Variants in CACNB4 observed in about 807,000 individuals in gnomAD.
The protein encoded by CACNB4 is calcium voltage-gated channel auxiliary subunit beta 4.
Under a neutral mutation model 71.2 loss-of-function variants are expected in CACNB4, and 32 were observed. That is an observed-to-expected ratio of 0.45 (90% CI 0.34 to 0.60). The LOEUF (loss-of-function observed/expected upper bound fraction) is 0.60, where lower values mean the gene tolerates loss of function less well. CACNB4 is among the 20% of genes least tolerant of loss of function. The pLI, the probability that CACNB4 is intolerant of heterozygous loss-of-function variation, is 0.01. For synonymous variants in CACNB4, 231 were observed against 236.9 expected (o/e 0.97, Z 0.23); for missense variants, 464 against 647.9 (o/e 0.72, Z 3.08).
In CACNB4 at chr2:151,869,180, C is replaced by T; in HGVS notation, c.755G>A (p.Gly252Glu). The change falls in exon 9 of 14, where the codon GGG (glycine) becomes GAG (glutamate). Residue 252 changes from glycine (G) to glutamate (E), a missense_variant. Gly to Glu is a moderately conservative substitution (Grantham distance 98). Coordinates refer to ENST00000539935, the MANE Select transcript of CACNB4 (RefSeq NM_000726.5). ...LFDFLKHRFD[G>E]RISITRVTAD... ...CAAAAACATCTATATTTCTCACCTC[C>T]CATCAAACCTGTGCTTCAGGAAATC... The T allele has an allele frequency of 6.5e-7, 1 of 1,536,758 alleles. No homozygotes were observed. Among genetic ancestry groups the T allele is most frequent in the Non-Finnish European group, 8.9e-7 (1 of 1,125,500 alleles).
intron 2 of CACNB4, among the ~76,000 whole-genome samples, chr2:152,049,915 C>T (rs10174354): frequency 0.2 from 31,075 of 152,238 alleles, 3,333 homozygotes; most frequent in Middle Eastern, 0.36. Context: ...TGAGGAACTT[C>T]TACTGAGGGC....
chr2:151,974,361 C>A (rs2099873384), intron 2 of CACNB4, among the ~76,000 whole-genome samples: 1 of 152,092 alleles, frequency 6.6e-6, no homozygotes, highest in African/African-American at 2.4e-5. Flanking sequence ...TAAAAAAAAT[C>A]TTTACACCCA....
At chr2:152,059,318 C>T (rs560695155) in intron 2 of CACNB4, among the ~76,000 whole-genome samples, 12 of 152,368 alleles carry the variant, frequency 7.9e-5, no homozygotes, top group East Asian at 1.9e-4. Flanking sequence ...AGACCCTCAA[C>T]GGCAGCCGTG....
chr2:151,962,344 A>AT (rs2099869877), intron 2 of CACNB4, among the ~76,000 whole-genome samples: 1 of 152,114 alleles, frequency 6.6e-6, no homozygotes, highest in Non-Finnish European at 1.5e-5. Context: ...ATACCTTTTC[A>AT]TTTTATTAAA....
At chr2:151,932,952 G>A (rs960957074) in intron 2 of CACNB4, among the ~76,000 whole-genome samples, 1 of 151,870 alleles carries the variant, frequency 6.6e-6, no homozygotes, top group African/African-American at 2.4e-5. Flanking sequence ...GAATACCTGG[G>A]CTATGAGAAG....
chr2:151,868,193 T>C (rs2099843675), intron 9 of CACNB4: 1 of 152,216 alleles, frequency 6.6e-6, no homozygotes. Context: ...TGAAGTTTTT[T>C]TACATTTTAA....
chr2:152,015,635 A>C (rs1683301069), intron 2 of CACNB4, among the ~76,000 whole-genome samples: 2 of 152,226 alleles, frequency 1.3e-5, no homozygotes, highest in Non-Finnish European at 2.9e-5. Flanking sequence ...AAGATTTAAG[A>C]GTCAGTAGTT....
intron 8 of CACNB4, chr2:151,869,629 T>C (rs991241048): frequency 1.2e-5 from 2 of 173,790 alleles, no homozygotes; most frequent in African/African-American, 4.7e-5. Flanking sequence ...AGGCCAGCAC[T>C]GGACTCAGCC....
At chr2:151,881,055 C>G (rs758336187) in intron 3 of CACNB4, 133 bp from the exon 4 acceptor site, 6 of 836,220 alleles carry the variant, frequency 7.2e-6, no homozygotes, top group African/African-American at 1.7e-5. Context: ...TTTACATTCT[C>G]AAGCAATATC....
At chr2:151,978,762 CT>C (rs1245837694) in intron 2 of CACNB4, among the ~76,000 whole-genome samples, 2 of 152,266 alleles carry the variant, frequency 1.3e-5, no homozygotes, top group Admixed American at 6.5e-5. Context: ...AACCTTGCCC[CT>C]GATGCCGGCC....
intron 2 of CACNB4, among the ~76,000 whole-genome samples, chr2:151,918,509 C>T (rs934542515): frequency 6.6e-6 from 1 of 152,242 alleles, no homozygotes; most frequent in Non-Finnish European, 1.5e-5. Flanking sequence ...AACCACTGGG[C>T]TCCAGGGGCT....
At chr2:151,884,515 TC>T (rs1478994827) in intron 2 of CACNB4, among the ~76,000 whole-genome samples, 51 of 140,658 alleles carry the variant, frequency 3.6e-4, no homozygotes, top group African/African-American at 1.1e-3. Flanking sequence ...GCGCCTGTAG[TC>T]CCCAGCTACT....
At chr2:151,998,149 C>T (rs182520355) in intron 2 of CACNB4, among the ~76,000 whole-genome samples, 1 of 151,992 alleles carries the variant, frequency 6.6e-6, no homozygotes, top group East Asian at 1.9e-4. Flanking sequence ...ATGGTGAACC[C>T]CTGTCTCTAC....
intron 2 of CACNB4, among the ~76,000 whole-genome samples, chr2:152,062,973 C>G (rs555498525): frequency 6.6e-6 from 1 of 152,274 alleles, no homozygotes; most frequent in East Asian, 1.9e-4. Context: ...CAGACATCCA[C>G]GCAGAGGAGG....
chr2:151,959,379 G>A (rs1399897893), intron 2 of CACNB4, among the ~76,000 whole-genome samples: 1 of 152,156 alleles, frequency 6.6e-6, no homozygotes, highest in Non-Finnish European at 1.5e-5. Flanking sequence ...TTCTGGCTGA[G>A]TTTCCAGAAC....
At chr2:151,978,708 TG>T (rs568162917) in intron 2 of CACNB4, among the ~76,000 whole-genome samples, 82 of 152,338 alleles carry the variant, frequency 5.4e-4, no homozygotes, top group African/African-American at 1.9e-3. Flanking sequence ...GCCTGGGTTC[TG>T]GCCTAAAGCC....
At chr2:152,085,053 G>A (rs1687576553) in intron 2 of CACNB4, among the ~76,000 whole-genome samples, 1 of 152,176 alleles carries the variant, frequency 6.6e-6, no homozygotes, top group Non-Finnish European at 1.5e-5. Flanking sequence ...ACATTAAAGA[G>A]ATTCACAGAG....
chr2:152,051,538 CCTT>C (rs1159311672), intron 2 of CACNB4, among the ~76,000 whole-genome samples: 1 of 152,112 alleles, frequency 6.6e-6, no homozygotes, highest in Admixed American at 6.5e-5. Flanking sequence ...GGGTTAGCGT[CCTT>C]CTAAGAAGAG....
chr2:151,935,862 G>A (rs1578868492), intron 2 of CACNB4, among the ~76,000 whole-genome samples: 1 of 152,128 alleles, frequency 6.6e-6, no homozygotes, highest in East Asian at 1.9e-4. Flanking sequence ...TCCCTTCAAG[G>A]AATATAAAAT....
Sources: allele counts gnomAD v4.1 joint callset (sites outside exome capture counted in the v4.1 genomes callset), GRCh38; gene constraint gnomAD v4.1.1; transcripts MANE v1.5; gene names NCBI Gene and HGNC (gene_info 2026-07-23, HGNC 2026-07-21).